FAM168B: variants seen among roughly 807,000 people sequenced by gnomAD.
FAM168B encodes family with sequence similarity 168 member B.
A neutral mutation model predicts 21.8 loss-of-function variants in FAM168B; 19 were observed. That is an observed-to-expected ratio of 0.87 (90% CI 0.61 to 1.28). The LOEUF (loss-of-function observed/expected upper bound fraction) is 1.28. Ranked by LOEUF, FAM168B falls within the 50% of genes most tolerant of loss-of-function variation. The pLI is 0.00. For missense variants in FAM168B, 233 were observed against 263.1 expected, an observed-to-expected ratio of 0.89 and a Z score of 0.79; for synonymous variants, 126 against 104.8, an observed-to-expected ratio of 1.20 and a Z score of -1.24.
At chr2:131,075,709 C>T (rs1218053127) in intron 2 of FAM168B, among the ~76,000 whole-genome samples, 6 of 151,888 alleles carry the variant, frequency 4.0e-5, no homozygotes, top group Non-Finnish European at 8.8e-5. Context: ...AGGATGGTCT[C>T]GATCTACATA....
At position 131,089,283 on chromosome 2, in the gene FAM168B, A is replaced by T. The variant is rs760150819; in HGVS notation, c.-12+3931T>A. 2.6e-5 allele frequency among the ~76,000 whole-genome samples: 4 copies of T among 151,522 alleles called. No individual in the cohort carries two copies. The East Asian group carries it at 7.8e-4, about 30-fold the overall frequency. On this transcript the variant is annotated intron_variant, in intron 1 of 6. Transcript: ENST00000389915. ...ACCGGGCCGAGCTTACCACATTTTT[A>T]GTTTCCCATTTGAAATGACTCAACT...
Position 131,052,354 on chromosome 2 carries a change from T to C in FAM168B, c.*111A>G. On this transcript the variant is annotated 3_prime_UTR_variant, in exon 7 of 7. Coordinates refer to ENST00000389915, the MANE Select transcript of FAM168B (RefSeq NM_001009993.4). ...GGATATAGTCGTGTTTAGCTAAGTG[T>C]CGAGAGCATTAAGAAGAAAGTCCTG... is the stretch of plus-strand genomic sequence containing the variant. The C allele has an allele frequency of 1.0e-6, 1 of 986,314 alleles. No homozygotes were observed. The highest frequency in any genetic ancestry group is 1.2e-6 in the Non-Finnish European group (1 of 830,258). The allele number at this position is 986,314 out of a possible 1,614,324, so 61.1% of individuals were successfully genotyped here. A position where few individuals can be genotyped will look rare whatever the true frequency, so the allele number is the denominator to read the frequency against.
chr2:131,073,732 A>G (rs2105531801), intron 2 of FAM168B, among the ~76,000 whole-genome samples: 1 of 152,328 alleles, frequency 6.6e-6, no homozygotes, highest in South Asian at 2.1e-4. Context: ...ATATTCTGCT[A>G]AAGCAGCAGA....
intron 3 of FAM168B, 65 bp from the exon 4 acceptor site, chr2:131,055,760 G>A (rs1691986878): frequency 6.4e-7 from 1 of 1,570,870 alleles, no homozygotes; most frequent in East Asian, 2.3e-5. Context: ...AGAGGACACA[G>A]GCAGGGAGGA....
chr2:131,070,059 A>C (rs1286431067), intron 3 of FAM168B, among the ~76,000 whole-genome samples: 1 of 139,118 alleles, frequency 7.2e-6, no homozygotes, highest in East Asian at 2.3e-4. Context: ...GGGTTTCACC[A>C]CGTTGGCCAG....
intron 3 of FAM168B, among the ~76,000 whole-genome samples, chr2:131,062,596 C>T (rs1331368396): frequency 6.6e-6 from 1 of 152,206 alleles, no homozygotes; most frequent in Middle Eastern, 3.2e-3. Context: ...TACAAGCGTG[C>T]ACCACCATGC....
chr2:131,076,634 C>CA (rs1270877174), intron 2 of FAM168B, among the ~76,000 whole-genome samples: 1 of 130,712 alleles, frequency 7.7e-6, no homozygotes, highest in Non-Finnish European at 1.6e-5. Flanking sequence ...GCCTGGGCAA[C>CA]AGAGCAAGAC....
chr2:131,091,981 C>T (rs1400954855), intron 1 of FAM168B, among the ~76,000 whole-genome samples: 1 of 134,784 alleles, frequency 7.4e-6, no homozygotes, highest in Non-Finnish European at 1.6e-5. Context: ...AAAAAAAAAA[C>T]AAATACAAAA....
chr2:131,091,056 G>A (rs753711499), intron 1 of FAM168B, among the ~76,000 whole-genome samples: 21 of 152,208 alleles, frequency 1.4e-4, no homozygotes, highest in Non-Finnish European at 2.9e-4. Context: ...AAAAGAAGCT[G>A]GATACGGTGG....
At chr2:131,055,764 G>C in intron 3 of FAM168B, 69 bp from the exon 4 acceptor site, 1 of 1,563,772 alleles carries the variant, frequency 6.4e-7, no homozygotes. Context: ...GACACAGGCA[G>C]GGAGGAGCTA....
intron 1 of FAM168B, among the ~76,000 whole-genome samples, chr2:131,086,782 A>ATAGTGTTCTGAGGGCTGAG (rs1573822542): frequency 1.4e-5 from 2 of 147,542 alleles, no homozygotes; most frequent in African/African-American, 2.7e-5. Context: ...TCACAAGAGA[A>ATAGTGTTCTGAGGGCTGAG]AGGCCGGGCG....
Position 131,048,701 on chromosome 2 carries a change from G to A in FAM168B, c.*3764C>T, listed in dbSNP as rs1691451495. On this transcript the variant is annotated 3_prime_UTR_variant, in exon 7 of 7. Coordinates refer to ENST00000389915, the MANE Select transcript of FAM168B (RefSeq NM_001009993.4). ...CTGCTGCCCTTCAGAAAGCCAGAGG[G>A]AACACTCACAAATGCAGAGGTACTA... is the stretch of plus-strand genomic sequence containing the variant. 2 of 989,090 alleles carry A rather than the reference G, an allele frequency of 2.0e-6. No homozygotes were observed. The highest frequency in any genetic ancestry group is 6.1e-5 in the Admixed American group (1 of 16,400). 61.3% of individuals were successfully genotyped at this position (989,090 alleles called of 1,614,324 possible).
intron 3 of FAM168B, among the ~76,000 whole-genome samples, chr2:131,059,423 G>A (rs1692183788): frequency 6.6e-6 from 1 of 152,124 alleles, no homozygotes; most frequent in African/African-American, 2.4e-5. Flanking sequence ...CCATGCAGCA[G>A]CCAGACACCA....
chr2:131,082,551 A>C, intron 2 of FAM168B, 26 bp downstream of exon 2: 1 of 1,540,330 alleles, frequency 6.5e-7, no homozygotes, highest in Non-Finnish European at 8.8e-7. Flanking sequence ...AAGTTCAAAA[A>C]TGAAAACAAA....
Position 131,048,974 on chromosome 2 carries a change from G to C in FAM168B, c.*3491C>G. ...TGGCCCAACTGCTCAGAGTAACACTGTTCTCAAATGTTTAAAAAGGACAGG... is the reference window on the plus strand; with the variant it reads ...TGGCCCAACTGCTCAGAGTAACACTCTTCTCAAATGTTTAAAAAGGACAGG... On this transcript the variant is annotated 3_prime_UTR_variant, in exon 7 of 7. Coordinates refer to ENST00000389915, the MANE Select transcript of FAM168B (RefSeq NM_001009993.4). The C allele has an allele frequency of 1.0e-6, 1 of 985,648 alleles. No homozygotes were observed. Among genetic ancestry groups the C allele is most frequent in the South Asian group, 4.7e-5 (1 of 21,286 alleles). 61.1% of individuals were successfully genotyped at this position (985,648 alleles called of 1,614,324 possible). A position where few individuals can be genotyped will look rare whatever the true frequency, so the allele number is the denominator to read the frequency against.
intron 5 of FAM168B, among the ~76,000 whole-genome samples, chr2:131,054,856 C>T (rs1402529539): frequency 6.6e-6 from 1 of 152,178 alleles, no homozygotes; most frequent in Non-Finnish European, 1.5e-5. Flanking sequence ...CAACGCAAGA[C>T]CAGCTCTCCT....
At chr2:131,066,989 G>A (rs558798734) in intron 3 of FAM168B, among the ~76,000 whole-genome samples, 6 of 152,324 alleles carry the variant, frequency 3.9e-5, no homozygotes, top group Admixed American at 1.3e-4. Context: ...AAGAGCAAAC[G>A]TGTGCAGGGG....
intron 1 of FAM168B, among the ~76,000 whole-genome samples, chr2:131,091,965 TAAA>T (rs57542340): frequency 7.8e-6 from 1 of 128,846 alleles, no homozygotes; most frequent in African/African-American, 2.8e-5. Flanking sequence ...TCGTCTCTAC[TAAA>T]AAAAAAAAAA....
rs1691631100 is a variant in FAM168B, at chr2:131,050,935, A to G, written c.*1530T>C. ...CCTTACATCCCCCACCCCCACTCTGACCCTCACTGAGAACCGACATGCACT... is the reference window on the plus strand; with the variant it reads ...CCTTACATCCCCCACCCCCACTCTGGCCCTCACTGAGAACCGACATGCACT... On this transcript the variant is annotated 3_prime_UTR_variant, in exon 7 of 7. Coordinates refer to ENST00000389915, the MANE Select transcript of FAM168B (RefSeq NM_001009993.4). 1 of 985,524 alleles carries G rather than the reference A, an allele frequency of 1.0e-6. No individual in the cohort carries two copies. The highest frequency in any genetic ancestry group is 1.2e-6 in the Non-Finnish European group (1 of 830,096). 61.0% of individuals were successfully genotyped at this position (985,524 alleles called of 1,614,324 possible). A position where few individuals can be genotyped will look rare whatever the true frequency, so the allele number is the denominator to read the frequency against.
Sources: gnomAD v4.1 joint callset for allele counts (sites outside exome capture counted in the v4.1 genomes callset) on GRCh38, gnomAD v4.1.1 for gene constraint, MANE v1.5 for transcripts, NCBI Gene and HGNC (gene_info 2026-07-23, HGNC 2026-07-21) for gene names.